Variants in EFR3A observed in about 807,000 individuals in gnomAD.
EFR3A encodes protein EFR3 homolog A.
In EFR3A, 76 loss-of-function variants were observed where a neutral mutation model predicts 104.4. The observed-to-expected ratio is 0.73, with a 90% CI of 0.60 to 0.88. EFR3A has a LOEUF of 0.88. Ranked by LOEUF, EFR3A falls within the 40% of genes least tolerant of loss-of-function variation. EFR3A has a pLI of 0.00. For missense variants in EFR3A, 985 were observed against 1,012.5 expected, an observed-to-expected ratio of 0.97 and a Z score of 0.37; for synonymous variants, 330 against 330.0, an observed-to-expected ratio of 1.00 and a Z score of 0.00.
chr8:132,007,605 C>A (rs540695022), intron 22 of EFR3A, among the ~76,000 whole-genome samples: 1 of 151,752 alleles, frequency 6.6e-6, no homozygotes, highest in African/African-American at 2.4e-5. Context: ...TTTGTAAAAA[C>A]GTATAAATTG....
At chr8:131,979,250 A>C in intron 13 of EFR3A, 96 bp from the exon 14 acceptor site, 1 of 1,088,638 alleles carries the variant, frequency 9.2e-7, no homozygotes, top group Non-Finnish European at 1.3e-6. Context: ...ATACAGGCTT[A>C]TCAAACTCCT....
chr8:132,007,032 A>C (rs1822088773), intron 22 of EFR3A, among the ~76,000 whole-genome samples: 1 of 151,974 alleles, frequency 6.6e-6, no homozygotes, highest in Non-Finnish European at 1.5e-5. Flanking sequence ...TTATAAAAAA[A>C]TCTATTGCTG....
At chr8:131,935,928 T>C (rs997778981) in intron 1 of EFR3A, among the ~76,000 whole-genome samples, 3 of 152,000 alleles carry the variant, frequency 2.0e-5, no homozygotes, top group Non-Finnish European at 4.4e-5. Flanking sequence ...GCAAATGTTA[T>C]CTCAAACCAG....
intron 3 of EFR3A, 88 bp from the exon 4 acceptor site, chr8:131,946,395 A>G (rs766792391): frequency 4.2e-5 from 53 of 1,266,242 alleles, no homozygotes; most frequent in Middle Eastern, 5.3e-4. Flanking sequence ...GTATTTCAAT[A>G]GACTTATTTC....
intron 1 of EFR3A, among the ~76,000 whole-genome samples, chr8:131,917,212 A>G (rs968171027): frequency 1.3e-5 from 2 of 152,214 alleles, no homozygotes; most frequent in African/African-American, 4.8e-5. Context: ...CACACAAGGA[A>G]CTGAGGGACA....
intron 19 of EFR3A, among the ~76,000 whole-genome samples, chr8:131,997,122 A>G (rs1026806689): frequency 2.6e-5 from 4 of 152,066 alleles, no homozygotes; most frequent in African/African-American, 4.8e-5. Context: ...TTATAGGGGA[A>G]AAAGCAGCCA....
intron 8 of EFR3A, among the ~76,000 whole-genome samples, chr8:131,967,608 A>G (rs997851547): frequency 2.6e-4 from 39 of 151,830 alleles, no homozygotes; most frequent in African/African-American, 9.0e-4. Flanking sequence ...GGAGTTAAGA[A>G]TAAACATTTT....
At chr8:131,921,506 CAG>C (rs1356592541) in intron 1 of EFR3A, among the ~76,000 whole-genome samples, 1 of 152,154 alleles carries the variant, frequency 6.6e-6, no homozygotes, top group Non-Finnish European at 1.5e-5. Context: ...TAATCCATAA[CAG>C]AGGTATATCA....
intron 1 of EFR3A, among the ~76,000 whole-genome samples, chr8:131,904,963 TGCATGTCTAATAA>T (rs1816172658): frequency 6.6e-6 from 1 of 152,228 alleles, no homozygotes; most frequent in African/African-American, 2.4e-5. Context: ...CCCCGGAGTC[TGCATGTCTAATAA>T]GCGTCCCTGG....
chr8:131,963,021 T>C (rs1382316384), intron 8 of EFR3A, among the ~76,000 whole-genome samples: 4 of 149,810 alleles, frequency 2.7e-5, no homozygotes, highest in Non-Finnish European at 4.5e-5. Context: ...TTGAAACCAA[T>C]GAGAACAAAG....
chr8:131,968,437 G>A lies in EFR3A; in HGVS notation c.991+7G>A, dbSNP rs751557053. 3.1e-6 allele frequency: 5 copies of A among 1,612,960 alleles called. No homozygotes were observed. The East Asian group carries it at 1.1e-4, about 36-fold the overall frequency. Reference sequence around the variant, plus strand: ...GCTGCTAAAGGTTCCATAGGTGAGTGCCAATAAATAAAATAAAATAGTGCG... The same window carrying A: ...GCTGCTAAAGGTTCCATAGGTGAGTACCAATAAATAAAATAAAATAGTGCG... On this transcript the variant is annotated splice_region_variant and intron_variant, in intron 9 of 22. Coordinates refer to ENST00000254624, the MANE Select transcript of EFR3A (RefSeq NM_015137.6).
intron 18 of EFR3A, among the ~76,000 whole-genome samples, chr8:131,992,671 A>G (rs955594080): frequency 2.0e-5 from 3 of 152,212 alleles, no homozygotes; most frequent in African/African-American, 7.2e-5. Flanking sequence ...ATAGGCCTTG[A>G]AAGATAATCT....
rs1820448347 is a variant in EFR3A at position 131,978,839 on chromosome 8, A to C, written c.1327-8A>C. 1.3e-6 allele frequency: 2 copies of C among 1,533,718 alleles called. No individual in the cohort carries two copies. Among genetic ancestry groups the C allele is most frequent in the Admixed American group, 4.1e-5 (2 of 48,238 alleles). On this transcript the variant is annotated splice_polypyrimidine_tract_variant and splice_region_variant and intron_variant, in intron 12 of 22. Transcript: ENST00000254624. ...CAAAAGGTTGTTTGTTTTCTTCTCG[A>C]TAATCAGGTGACCTCTGGATATAAA...
chr8:131,930,618 G>A (rs1817548034), intron 1 of EFR3A, among the ~76,000 whole-genome samples: 1 of 151,986 alleles, frequency 6.6e-6, no homozygotes, highest in African/African-American at 2.4e-5. Context: ...TTTCTGACAT[G>A]AGTCTGCTAA....
At chr8:131,968,246 A>G (rs753449930) in intron 8 of EFR3A, 49 bp from the exon 9 acceptor site, 2 of 1,555,808 alleles carry the variant, frequency 1.3e-6, no homozygotes, top group South Asian at 1.2e-5. Flanking sequence ...GAATTCTGCC[A>G]AGGTACATGT....
At chr8:131,917,073 A>G (rs1422891855) in intron 1 of EFR3A, among the ~76,000 whole-genome samples, 1 of 152,340 alleles carries the variant, frequency 6.6e-6, no homozygotes, top group African/African-American at 2.4e-5. Context: ...ATAATATAGA[A>G]CTAAACTGTT....
Position 132,011,282 on chromosome 8 carries a change from G to A in EFR3A, c.*387G>A, listed in dbSNP as rs529984332. ...TCTTAAACATCTACACAGCCGCTTAGATGTAGAATTTTTGTTGTTGTTTTC... is the reference window on the plus strand; with the variant it reads ...TCTTAAACATCTACACAGCCGCTTAAATGTAGAATTTTTGTTGTTGTTTTC... On this transcript the variant is annotated 3_prime_UTR_variant, in exon 23 of 23. Transcript: ENST00000254624. 396 of 988,230 alleles carry A rather than the reference G, an allele frequency of 4.0e-4. 3 individuals carry two copies. The African/African-American group carries it at 6.6e-3, about 17-fold the overall frequency. The allele number at this position is 988,230 out of a possible 1,614,324, so 61.2% of individuals were successfully genotyped here.
rs184100391 is a variant in EFR3A at position 131,937,580 on chromosome 8, T to A, written c.11-2919T>A. Among the ~76,000 whole-genome samples, 9 of 152,258 alleles carry A rather than the reference T, an allele frequency of 5.9e-5. No individual in the cohort carries two copies. In the East Asian group the frequency reaches 1.7e-3, roughly 29 times the overall value. ...GTAGGAGGAGAATAGTGGATAGTTT[T>A]CTCTTTTATGTGCTGGAATTAATTT... is the stretch of plus-strand genomic sequence containing the variant. On this transcript the variant is annotated intron_variant, in intron 1 of 22. Coordinates refer to ENST00000254624, the MANE Select transcript of EFR3A (RefSeq NM_015137.6).
At chr8:131,980,285 C>G (rs1302773690) in intron 14 of EFR3A, among the ~76,000 whole-genome samples, 2 of 152,030 alleles carry the variant, frequency 1.3e-5, no homozygotes, top group Non-Finnish European at 2.9e-5. Context: ...CTATTGATTG[C>G]TGTGTTTCAA....
Sources: allele counts gnomAD v4.1 joint callset (sites outside exome capture counted in the v4.1 genomes callset), GRCh38; gene constraint gnomAD v4.1.1; transcripts MANE v1.5; gene names NCBI Gene and HGNC (gene_info 2026-07-23, HGNC 2026-07-21).